UBTD2: variants seen among roughly 807,000 people sequenced by gnomAD.
UBTD2 encodes the protein ubiquitin domain containing 2, also known as ubiquitin domain-containing protein 2.
Under a neutral mutation model 19.8 loss-of-function variants are expected in UBTD2, and 9 were observed. The ratio of observed to expected loss-of-function variants is 0.46; its 90% CI spans 0.27 to 0.79. The LOEUF (loss-of-function observed/expected upper bound fraction) is 0.79, where lower values mean the gene tolerates loss of function less well. Ranked by LOEUF, UBTD2 falls within the 30% of genes least tolerant of loss-of-function variation. The pLI is 0.14. For synonymous variants in UBTD2, 98 were observed against 103.9 expected (o/e 0.94, Z 0.35); for missense variants, 250 against 300.4 (o/e 0.83, Z 1.24).
At chr5:172,259,485 G>C (rs1561863193) in intron 1 of UBTD2, among the ~76,000 whole-genome samples, 1 of 151,886 alleles carries the variant, frequency 6.6e-6, no homozygotes, top group East Asian at 1.9e-4. Flanking sequence ...TAAGAAAGGA[G>C]TAGTCTTCAA....
chr5:172,243,632 A>G (rs557776589), intron 1 of UBTD2, among the ~76,000 whole-genome samples: 5 of 139,356 alleles, frequency 3.6e-5, no homozygotes, highest in Admixed American at 8.1e-5. Flanking sequence ...GCGCGACCTC[A>G]GCTCACTGCA....
chr5:172,241,852 C>CTACAAAAAA (rs1772135514), intron 1 of UBTD2, among the ~76,000 whole-genome samples: 1 of 152,154 alleles, frequency 6.6e-6, no homozygotes, highest in African/African-American at 2.4e-5. Context: ...AACCTCATCT[C>CTACAAAAAA]TACAAAAAAT....
rs548282151 is a variant in UBTD2, at chr5:172,261,212, C to T, written c.70+22384G>A. On this transcript the variant is annotated intron_variant, in intron 1 of 2. Coordinates refer to ENST00000393792, the MANE Select transcript of UBTD2 (RefSeq NM_152277.3). ...AAAACCAGAAGGTGACCCCAAATGACCACATGCTGATATTCTAAGAGCAGA... is the reference window on the plus strand; with the variant it reads ...AAAACCAGAAGGTGACCCCAAATGATCACATGCTGATATTCTAAGAGCAGA... 9.2e-5 allele frequency among the ~76,000 whole-genome samples: 14 copies of T among 152,284 alleles called. No individual in the cohort carries two copies. In the South Asian group the frequency reaches 2.9e-3, roughly 32 times the overall value.
chr5:172,273,737 T>C (rs1449731352), intron 1 of UBTD2, among the ~76,000 whole-genome samples: 1 of 152,120 alleles, frequency 6.6e-6, no homozygotes, highest in Admixed American at 6.6e-5. Flanking sequence ...CAATTTTTAA[T>C]GTAAACTCTA....
At chr5:172,243,800 T>G (rs1772180909) in intron 1 of UBTD2, among the ~76,000 whole-genome samples, 1 of 151,928 alleles carries the variant, frequency 6.6e-6, no homozygotes, top group Non-Finnish European at 1.5e-5. Context: ...AGACCTCAGG[T>G]GATCCACCCG....
At chr5:172,254,562 TGTC>T in intron 1 of UBTD2, 1 of 627,350 alleles carries the variant, frequency 1.6e-6, no homozygotes, top group South Asian at 1.8e-5. Context: ...TTTTTCTGTG[TGTC>T]GTCTTCTGTG....
At chr5:172,255,723 C>T (rs1048896271) in intron 1 of UBTD2, among the ~76,000 whole-genome samples, 1 of 152,108 alleles carries the variant, frequency 6.6e-6, no homozygotes, top group African/African-American at 2.4e-5. Flanking sequence ...GCAAGTCCCC[C>T]GGGGCTGGCA....
chr5:172,233,544 C>T (rs1012975624), intron 2 of UBTD2, among the ~76,000 whole-genome samples: 90 of 152,202 alleles, frequency 5.9e-4, no homozygotes, highest in Middle Eastern at 3.4e-3. Context: ...CACATTCCTA[C>T]GCAAAAGAGA....
rs1561846640 is a variant in UBTD2 at position 172,211,083 on chromosome 5, G to C, written c.*747C>G. ...AAGATGACAGCGACTTTTCAACTGA[G>C]TATCTGTTGAAACTCAAGAGACCTG... On this transcript the variant is annotated 3_prime_UTR_variant, in exon 3 of 3. Coordinates refer to ENST00000393792, the MANE Select transcript of UBTD2 (RefSeq NM_152277.3). 1 of 152,136 alleles carries C rather than the reference G, an allele frequency of 6.6e-6. No homozygotes were observed. The highest frequency in any genetic ancestry group is 1.5e-5 in the Non-Finnish European group (1 of 68,030). 9.4% of individuals were successfully genotyped at this position (152,136 alleles called of 1,614,324 possible). A position where few individuals can be genotyped will look rare whatever the true frequency, so the allele number is the denominator to read the frequency against.
intron 1 of UBTD2, chr5:172,252,294 T>C (rs1016474756): frequency 6.6e-6 from 1 of 152,192 alleles, no homozygotes; most frequent in African/African-American, 2.4e-5. Context: ...TGTGAACCCA[T>C]ACTTAGGATG....
At chr5:172,240,538 A>G (rs1772105749) in intron 1 of UBTD2, among the ~76,000 whole-genome samples, 1 of 152,204 alleles carries the variant, frequency 6.6e-6, no homozygotes, top group Non-Finnish European at 1.5e-5. Flanking sequence ...CCTGATTCTC[A>G]GAGTGTAAGT....
At chr5:172,220,638 AC>A (rs1771632738) in intron 2 of UBTD2, among the ~76,000 whole-genome samples, 1 of 150,268 alleles carries the variant, frequency 6.7e-6, no homozygotes, top group African/African-American at 2.5e-5. Context: ...AAACAAAAAA[AC>A]CAAAAAAAAA....
At chr5:172,231,239 A>G (rs12659910) in intron 2 of UBTD2, among the ~76,000 whole-genome samples, 29,865 of 152,232 alleles carry the variant, frequency 0.2, 3,702 homozygotes, top group East Asian at 0.37. Context: ...TCCAAGAAAT[A>G]TTGACAAGAT....
At chr5:172,233,647 C>T (rs1452929520) in intron 2 of UBTD2, among the ~76,000 whole-genome samples, 1 of 152,004 alleles carries the variant, frequency 6.6e-6, no homozygotes, top group African/African-American at 2.4e-5. Context: ...GCTTATTATG[C>T]CAAAAATAGG....
intron 1 of UBTD2, among the ~76,000 whole-genome samples, chr5:172,282,284 G>A (rs887869586): frequency 6.6e-5 from 10 of 152,234 alleles, no homozygotes; most frequent in Admixed American, 5.2e-4. Context: ...ATCTCAATAT[G>A]CCAGTAATAA....
intron 1 of UBTD2, among the ~76,000 whole-genome samples, chr5:172,241,791 G>C (rs945542117): frequency 6.6e-6 from 1 of 152,070 alleles, no homozygotes; most frequent in African/African-American, 2.4e-5. Context: ...AAGATGCAAG[G>C]ATCACCTGAG....
At chr5:172,253,777 T>G (rs1347171989) in intron 1 of UBTD2, among the ~76,000 whole-genome samples, 5 of 152,008 alleles carry the variant, frequency 3.3e-5, no homozygotes, top group Non-Finnish European at 7.4e-5. Flanking sequence ...CTTAAATTTT[T>G]TTTATTTCTA....
chr5:172,270,606 A>G (rs10078784), intron 1 of UBTD2, among the ~76,000 whole-genome samples: 49,131 of 151,684 alleles, frequency 0.32, 8,040 homozygotes, highest in South Asian at 0.42. Context: ...TGCCTACCTC[A>G]GCCTCCCAAA....
At chr5:172,232,581 A>G (rs1054497408) in intron 2 of UBTD2, among the ~76,000 whole-genome samples, 2 of 152,054 alleles carry the variant, frequency 1.3e-5, no homozygotes, top group Non-Finnish European at 2.9e-5. Context: ...TATCTTTTGG[A>G]CAGGCACAGC....
Sources: gnomAD v4.1 joint callset for allele counts (sites outside exome capture counted in the v4.1 genomes callset) on GRCh38, gnomAD v4.1.1 for gene constraint, MANE v1.5 for transcripts, NCBI Gene and HGNC (gene_info 2026-07-23, HGNC 2026-07-21) for gene names.